The following LRCH1 variants were observed in gnomAD, a reference collection of about 807,000 sequenced individuals.
LRCH1 encodes the protein leucine rich repeats and calponin homology domain containing 1.
Under a neutral mutation model 94.9 loss-of-function variants are expected in LRCH1, and 23 were observed. The observed-to-expected ratio is 0.24, with a 90% CI of 0.17 to 0.34. The LOEUF is 0.34. LRCH1 is among the 10% of genes least tolerant of loss of function. The pLI is 1.00. For synonymous variants in LRCH1, 364 were observed against 354.9 expected (o/e 1.03, Z -0.29); for missense variants, 790 against 945.9 (o/e 0.84, Z 2.16).
chr13:46,730,050 G>A (rs984565102), intron 18 of LRCH1, among the ~76,000 whole-genome samples: 1 of 152,172 alleles, frequency 6.6e-6, no homozygotes, highest in African/African-American at 2.4e-5. Flanking sequence ...TGGTTGTTCA[G>A]ATGAAAGTGG....
At chr13:46,630,172 A>G (rs1594299538) in intron 1 of LRCH1, among the ~76,000 whole-genome samples, 1 of 152,172 alleles carries the variant, frequency 6.6e-6, no homozygotes, top group East Asian at 1.9e-4. Flanking sequence ...CTCATTGAAA[A>G]TTGATGATAA....
intron 7 of LRCH1, among the ~76,000 whole-genome samples, chr13:46,690,017 T>C (rs769015484): frequency 2.1e-4 from 32 of 152,080 alleles, no homozygotes; most frequent in Non-Finnish European, 2.6e-4. Context: ...TTGCAGTTAA[T>C]AGGCCAGTCA....
At chr13:46,590,817 T>C (rs1011155931) in intron 1 of LRCH1, among the ~76,000 whole-genome samples, 1 of 152,250 alleles carries the variant, frequency 6.6e-6, no homozygotes, top group Admixed American at 6.5e-5. Flanking sequence ...TTCCCTAGTT[T>C]AGCTACTTTC....
At chr13:46,712,830 A>T (rs1872140744) in intron 15 of LRCH1, among the ~76,000 whole-genome samples, 2 of 152,190 alleles carry the variant, frequency 1.3e-5, no homozygotes, top group Non-Finnish European at 2.9e-5. Flanking sequence ...CAAAGAAAAA[A>T]CAGGTGGTGG....
At position 46,735,788 on chromosome 13, in the gene LRCH1, C is replaced by CT. The variant is rs1288570749; in HGVS notation, c.2085+1794dup. ...AGGTGATTTTCCTTTTTTTCTTTTT[C>CT]TTTTCTTTTTTTTTTTTTTTTCGAG... On this transcript the variant is annotated intron_variant, in intron 19 of 19. Coordinates refer to ENST00000389797, the MANE Select transcript of LRCH1 (RefSeq NM_001164211.2). Among the ~76,000 whole-genome samples the CT allele has an allele frequency of 7.3e-4, 51 of 69,908 alleles. 6 individuals carry two copies. Among genetic ancestry groups the CT allele is most frequent in the South Asian group, 1.2e-3 (2 of 1,690 alleles). 45.9% of individuals were successfully genotyped at this position (69,908 alleles called of 152,430 possible). A position where few individuals can be genotyped will look rare whatever the true frequency, so the allele number is the denominator to read the frequency against.
intron 1 of LRCH1, among the ~76,000 whole-genome samples, chr13:46,609,912 C>T (rs1048037399): frequency 3.9e-5 from 6 of 151,988 alleles, no homozygotes; most frequent in South Asian, 2.1e-4. Flanking sequence ...CCATTGGAAG[C>T]GTTAAACAAG....
At chr13:46,628,144 CA>C (rs1345808286) in intron 1 of LRCH1, among the ~76,000 whole-genome samples, 3 of 152,144 alleles carry the variant, frequency 2.0e-5, no homozygotes, top group African/African-American at 7.2e-5. Context: ...GAGCACAGTT[CA>C]GAAGACATAC....
chr13:46,568,581 AT>A lies in LRCH1; in HGVS notation c.307+14882del, dbSNP rs1404268743. 9.8e-5 allele frequency among the ~76,000 whole-genome samples: 15 copies of A among 152,316 alleles called. No homozygotes were observed. In the South Asian group the frequency reaches 3.1e-3, roughly 32 times the overall value. The stretch of plus-strand genomic sequence containing the variant: ...GTAAAGTCTTAGACATTTGTTGTTT[AT>A]TTTAGTTGGTAAAATACAGCATTAA... On this transcript the variant is annotated intron_variant, in intron 1 of 19. Transcript: ENST00000389797.
chr13:46,728,268 T>G (rs1181832356), intron 17 of LRCH1, among the ~76,000 whole-genome samples: 3 of 150,954 alleles, frequency 2.0e-5, no homozygotes, highest in African/African-American at 7.3e-5. Context: ...CAGGCTGGAG[T>G]GCAGTAGCAC....
intron 19 of LRCH1, among the ~76,000 whole-genome samples, chr13:46,739,290 T>G (rs963993403): frequency 1.3e-5 from 2 of 152,184 alleles, no homozygotes; most frequent in African/African-American, 4.8e-5. Flanking sequence ...CTGGCGATTG[T>G]GATTTTTGTT....
In LRCH1 at chr13:46,559,732, T is replaced by C. The variant is rs75114299; in HGVS notation, c.307+6029T>C. Among the ~76,000 whole-genome samples the C allele has an allele frequency of 8.8e-3, 1,345 of 152,300 alleles. 8 individuals are homozygous for C. Among genetic ancestry groups the C allele is most frequent in the African/African-American group, 0.031 (1,285 of 41,570 alleles). ...CAGTTTATAAAGGAACAGCCCAAGG[T>C]TTGACCTTCATCACTGAGATGACTC... On this transcript the variant is annotated intron_variant, in intron 1 of 19. Transcript: ENST00000389797.
intron 1 of LRCH1, among the ~76,000 whole-genome samples, chr13:46,574,559 A>G (rs1263916615): frequency 2.0e-5 from 3 of 152,200 alleles, no homozygotes; most frequent in Admixed American, 2.0e-4. Context: ...CTGATAAACA[A>G]GAGCACTTTT....
At chr13:46,707,521 G>T (rs1025139720) in intron 13 of LRCH1, among the ~76,000 whole-genome samples, 2 of 152,142 alleles carry the variant, frequency 1.3e-5, no homozygotes, top group Non-Finnish European at 2.9e-5. Context: ...TGACAAGATA[G>T]TTCAAGACCA....
intron 2 of LRCH1, 64 bp from the exon 3 acceptor site, chr13:46,668,965 AG>A: frequency 6.5e-7 from 1 of 1,528,758 alleles, no homozygotes; most frequent in African/African-American, 1.4e-5. Context: ...TGTTAAAAAC[AG>A]GTTCACAGAC....
intron 13 of LRCH1, among the ~76,000 whole-genome samples, chr13:46,710,229 A>T (rs1871988969): frequency 1.3e-5 from 2 of 152,172 alleles, no homozygotes; most frequent in South Asian, 4.1e-4. Flanking sequence ...GTGCTCAGGG[A>T]CACTGGGGAA....
At chr13:46,626,371 G>T (rs989998682) in intron 1 of LRCH1, among the ~76,000 whole-genome samples, 1 of 152,148 alleles carries the variant, frequency 6.6e-6, no homozygotes, top group Non-Finnish European at 1.5e-5. Context: ...ATCCACAAGA[G>T]AAGTAAAAAT....
intron 1 of LRCH1, among the ~76,000 whole-genome samples, chr13:46,601,394 A>G (rs1299331576): frequency 6.6e-6 from 1 of 152,228 alleles, no homozygotes. Flanking sequence ...TTTGAGGCAA[A>G]TTGCAGGAAA....
intron 18 of LRCH1, chr13:46,750,499 C>T: frequency 7.5e-7 from 1 of 1,342,252 alleles, no homozygotes; most frequent in Non-Finnish European, 1.0e-6. Flanking sequence ...AATGAGAGTA[C>T]AATCATCTAA....
chr13:46,562,075 A>T (rs1392481391), intron 1 of LRCH1, among the ~76,000 whole-genome samples: 4 of 152,058 alleles, frequency 2.6e-5, no homozygotes, highest in African/African-American at 9.7e-5. Context: ...AAAAACATTG[A>T]TGGATTACTC....
Sources: allele counts gnomAD v4.1 joint callset (sites outside exome capture counted in the v4.1 genomes callset), GRCh38; gene constraint gnomAD v4.1.1; transcripts MANE v1.5; gene names NCBI Gene and HGNC (gene_info 2026-07-23, HGNC 2026-07-21).